AKNA: variants seen among roughly 807,000 people sequenced by gnomAD.
AKNA encodes microtubule organization protein AKNA.
AKNA carries 67 observed loss-of-function variants against 138.8 expected under a neutral mutation model. That is an observed-to-expected ratio of 0.48 (90% CI 0.40 to 0.59). The LOEUF (loss-of-function observed/expected upper bound fraction) is 0.59, where lower values mean the gene tolerates loss of function less well. AKNA is among the 20% of genes least tolerant of loss of function. The pLI is 0.00. For synonymous variants in AKNA, 737 were observed against 754.4 expected (o/e 0.98, Z 0.38); for missense variants, 1,813 against 1,880.4 (o/e 0.96, Z 0.66).
downstream of AKNA, chr9:114,330,759 A>C (rs1829837603): frequency 1.1e-5 from 17 of 1,608,826 alleles, no homozygotes; most frequent in Non-Finnish European, 1.4e-5. Flanking sequence ...CGATAACATT[A>C]CTGTTTTTCT....
intron 14 of AKNA, among the ~76,000 whole-genome samples, chr9:114,354,555 T>C (rs918369178): frequency 6.6e-6 from 1 of 151,788 alleles, no homozygotes; most frequent in African/African-American, 2.4e-5. Context: ...CTACTAAAAA[T>C]ACAAAAAATT....
chr9:114,332,996 C>A (rs1164241659), downstream of AKNA: 1 of 1,599,694 alleles, frequency 6.3e-7, no homozygotes, highest in Non-Finnish European at 8.5e-7. Flanking sequence ...ATTCTGCCCT[C>A]TCCCCGGAAG....
chr9:114,331,457 C>A, downstream of AKNA: 1 of 857,066 alleles, frequency 1.2e-6, no homozygotes, highest in Non-Finnish European at 1.9e-6. Flanking sequence ...AGACCCGGGC[C>A]TTCACTGATG....
chr9:114,362,625 C>A, intron 7 of AKNA, 92 bp from the exon 8 acceptor site: 2 of 1,441,872 alleles, frequency 1.4e-6, no homozygotes, highest in Admixed American at 2.4e-5. Context: ...TTGCGGGAGG[C>A]CATGGGATGC....
chr9:114,355,497 C>G (rs998443530), intron 14 of AKNA, among the ~76,000 whole-genome samples: 4 of 152,136 alleles, frequency 2.6e-5, no homozygotes, highest in Non-Finnish European at 5.9e-5. Flanking sequence ...TTTCATGTGA[C>G]CGGCAGCGCA....
Position 114,337,013 on chromosome 9 carries a change from G to GGGGGGGGGGGCCGC in AKNA, c.*40_*41insGCGGCCCCCCCCCC. ...CCACTCCTGGCCTGGCAGGCCACCT[G>GGGGGGGGGGGCCGC]CCCACCCACCCACCCATCTGCCTCT... On this transcript the variant is annotated 3_prime_UTR_variant, in exon 22 of 22. Coordinates refer to ENST00000374088, the MANE Select transcript of AKNA (RefSeq NM_001317950.2). The GGGGGGGGGGGCCGC allele has an allele frequency of 8.4e-7, 1 of 1,185,370 alleles. No homozygotes were observed. Among genetic ancestry groups the GGGGGGGGGGGCCGC allele is most frequent in the Non-Finnish European group, 1.1e-6 (1 of 921,704 alleles). 73.4% of individuals were successfully genotyped at this position (1,185,370 alleles called of 1,614,324 possible). A position where few individuals can be genotyped will look rare whatever the true frequency, so the allele number is the denominator to read the frequency against.
In AKNA at chr9:114,376,640, C is replaced by T. The variant is rs935448785; in HGVS notation, c.1167G>A (p.Gln389=). 3.7e-6 allele frequency: 6 copies of T among 1,614,110 alleles called. No homozygotes were observed. Among genetic ancestry groups the T allele is most frequent in the Admixed American group, 1.7e-5 (1 of 60,010 alleles). The part of the protein sequence containing the change: ...PKSRSHNRKP[Q]APARPLIFKS... The stretch of plus-strand genomic sequence containing the variant: ...TGAAGATGAGGGGCCTGGCAGGGGC[C>T]TGAGGCTTCCTGTTGTGGCTTCTGG... Residue 389 remains glutamine, a synonymous_variant, in exon 3 of 22, where the codon CAG becomes CAA. Transcript: ENST00000374088.
downstream of AKNA, chr9:114,330,807 C>T (rs1160528874): frequency 3.7e-6 from 6 of 1,613,886 alleles, no homozygotes; most frequent in African/African-American, 6.7e-5. Context: ...ACCAGTGCTT[C>T]TATAACTCCA....
intron 2 of AKNA, 137 bp from the exon 3 acceptor site, chr9:114,377,669 A>C: frequency 1.1e-6 from 1 of 929,742 alleles, no homozygotes; most frequent in Non-Finnish European, 1.6e-6. Context: ...GTGGTGGTAG[A>C]CTTAGCCAAG....
intron 14 of AKNA, among the ~76,000 whole-genome samples, chr9:114,355,010 G>A (rs1831391984): frequency 6.6e-6 from 1 of 151,078 alleles, no homozygotes; most frequent in African/African-American, 2.4e-5. Flanking sequence ...GAGTAGCTGG[G>A]ATTACAGTCG....
upstream of AKNA, among the ~76,000 whole-genome samples, chr9:114,389,419 T>C (rs1307620118): frequency 5.3e-5 from 8 of 152,114 alleles, no homozygotes; most frequent in South Asian, 2.1e-4. Context: ...GAACCACCCA[T>C]GTAGGAGAGA....
Position 114,383,116 on chromosome 9 carries a change from C to T in AKNA, c.-113-1670G>A, listed in dbSNP as rs573300160. ...CCGCCGATGGCTGGGGTATTGAACA[C>T]AGGGAAAGCCCATCAGAGGTGTGGT... On this transcript the variant is annotated intron_variant, in intron 1 of 21. Transcript: ENST00000374088. 1.2e-3 allele frequency: 561 copies of T among 455,926 alleles called. 6 individuals are homozygous for T. Among genetic ancestry groups the T allele is most frequent in the Middle Eastern group, 3.0e-3 (9 of 3,050 alleles). 28.2% of individuals were successfully genotyped at this position (455,926 alleles called of 1,614,324 possible).
chr9:114,348,169 G>A (rs533799088), intron 15 of AKNA, among the ~76,000 whole-genome samples: 3 of 152,318 alleles, frequency 2.0e-5, no homozygotes, highest in Admixed American at 6.5e-5. Flanking sequence ...CTGAGTGGCT[G>A]TTCAGGAACA....
rs1404693055 is a variant in AKNA, at chr9:114,370,405, T to G, written c.1417-1810A>C. On this transcript the variant is annotated intron_variant, in intron 4 of 21. Coordinates refer to ENST00000374088, the MANE Select transcript of AKNA (RefSeq NM_001317950.2). ...TCAGCCTCAGGCCCCACCTAGGGAG[T>G]GACAGGGAATGGGGATGGGCCAGGG... Among the ~76,000 whole-genome samples, 3 of 151,394 alleles carry G rather than the reference T, an allele frequency of 2.0e-5. No individual in the cohort carries two copies. The East Asian group carries it at 5.8e-4, about 29-fold the overall frequency.
chr9:114,350,932 G>C lies in AKNA; in HGVS notation c.3148C>G (p.Pro1050Ala), dbSNP rs1831069847. 6.2e-7 allele frequency: 1 copy of C among 1,611,822 alleles called. No individual in the cohort carries two copies. The highest frequency in any genetic ancestry group is 1.1e-5 in the South Asian group (1 of 90,852). Residue 1050 changes from proline to alanine, a missense_variant, in exon 15 of 22, where the codon CCT becomes GCT. Coordinates refer to ENST00000374088, the MANE Select transcript of AKNA (RefSeq NM_001317950.2). Reference protein sequence around the residue: ...KTISPPPAPAPAAAPLPCGPT... With the variant: ...KTISPPPAPAAAAAPLPCGPT... ...CCACAGGGTAGAGGCGCAGCGGCAG[G>C]GGCGGGGGCTGGGGGTGGGCTGATT...
chr9:114,355,655 G>A (rs1477900094), intron 14 of AKNA, among the ~76,000 whole-genome samples: 1 of 152,178 alleles, frequency 6.6e-6, no homozygotes, highest in African/African-American at 2.4e-5. Context: ...TGAACAAAAC[G>A]TTGCTATGCA....
chr9:114,339,425 G>T (rs1156544916), intron 21 of AKNA, among the ~76,000 whole-genome samples: 4 of 152,160 alleles, frequency 2.6e-5, no homozygotes, highest in African/African-American at 4.8e-5. Context: ...CATCATTATT[G>T]GCAACTTCTA....
chr9:114,346,913 G>A, intron 16 of AKNA, 129 bp from the exon 17 acceptor site: 1 of 725,422 alleles, frequency 1.4e-6, no homozygotes. Context: ...AGAAGTCAAA[G>A]CCAGACTCTG....
At chr9:114,392,104 CAAAAAAA>C, upstream of AKNA, among the ~76,000 whole-genome samples, 2 of 86,586 alleles carry the variant, frequency 2.3e-5, no homozygotes, top group East Asian at 3.3e-4. Context: ...AGACGCTTGT[CAAAAAAA>C]AAAAAAAAAA....
Sources: gnomAD v4.1 joint callset for allele counts (sites outside exome capture counted in the v4.1 genomes callset) on GRCh38, gnomAD v4.1.1 for gene constraint, MANE v1.5 for transcripts, NCBI Gene and HGNC (gene_info 2026-07-23, HGNC 2026-07-21) for gene names.